The following GLIS2 variants were observed in gnomAD, a reference collection of about 807,000 sequenced individuals.
The protein encoded by GLIS2 is zinc finger protein GLIS2.
A neutral mutation model predicts 35.6 loss-of-function variants in GLIS2; 14 were observed. That is an observed-to-expected ratio of 0.39 (90% CI 0.26 to 0.61). The LOEUF (loss-of-function observed/expected upper bound fraction) is 0.61, where lower values mean the gene tolerates loss of function less well. GLIS2 is among the 20% of genes least tolerant of loss of function. GLIS2 has a pLI of 0.48. For missense variants in GLIS2, 675 were observed against 713.4 expected (o/e 0.95, Z 0.61); for synonymous variants, 368 against 325.1 (o/e 1.13, Z -1.42).
At position 4,334,920 on chromosome 16, in the gene GLIS2, C is replaced by T. The variant is rs1414754769; in HGVS notation, c.465C>T (p.Asp155=). 3 of 1,613,216 alleles carry T rather than the reference C, an allele frequency of 1.9e-6. No homozygotes were observed. The South Asian group carries it at 3.3e-5, about 18-fold the overall frequency. The part of the protein sequence containing the change: ...PASSFLTPPK[D]KCLSPDLPLP... ...CCTCCTTCCTTACCCCTCCCAAGGA[C>T]AAGTGCCTCTCGCCAGACCTGCCCC... The change falls in exon 4 of 7, where the codon GAC becomes GAT. Residue 155 remains aspartate, a synonymous_variant. Coordinates refer to ENST00000433375, the MANE Select transcript of GLIS2 (RefSeq NM_032575.3).
chr16:4,319,664 C>T (rs917324295), intron 1 of GLIS2, among the ~76,000 whole-genome samples: 3 of 151,758 alleles, frequency 2.0e-5, no homozygotes, highest in East Asian at 2.0e-4. Flanking sequence ...GCGGGGACTC[C>T]GCGCTTCCAA....
At position 4,320,048 on chromosome 16, in the gene GLIS2, G is replaced by A. The variant is rs1320113247; in HGVS notation, c.-67+3794G>A. On this transcript the variant is annotated intron_variant, in intron 1 of 6. Coordinates refer to ENST00000433375, the MANE Select transcript of GLIS2 (RefSeq NM_032575.3). The surrounding 1 kb of genome is among the most constrained non-coding windows in gnomAD (Gnocchi z 5.6). Reference sequence around the variant, plus strand: ...CTGAGACTCTTCCAGTTCGATGGCTGGGGGGCGGGTGACTTGGGCTCCTCG... The same window carrying A: ...CTGAGACTCTTCCAGTTCGATGGCTAGGGGGCGGGTGACTTGGGCTCCTCG... 6.6e-6 allele frequency among the ~76,000 whole-genome samples: 1 copy of A among 152,000 alleles called. No homozygotes were observed. Among genetic ancestry groups the A allele is most frequent in the Non-Finnish European group, 1.5e-5 (1 of 67,968 alleles).
chr16:4,334,767 C>T, intron 3 of GLIS2, 34 bp from the exon 4 acceptor site: 2 of 1,612,028 alleles, frequency 1.2e-6, no homozygotes, highest in Non-Finnish European at 1.7e-6. Context: ...TCTGGGCCAG[C>T]AGGACCTTGA....
chr16:4,333,870 T>G (rs1204978488), intron 3 of GLIS2, among the ~76,000 whole-genome samples: 1 of 152,090 alleles, frequency 6.6e-6, no homozygotes, highest in Non-Finnish European at 1.5e-5. Flanking sequence ...CCCAGCACTT[T>G]AGGAGGCTAA....
chr16:4,332,529 A>C lies in GLIS2; in HGVS notation c.172+77A>C. 6.6e-7 allele frequency: 1 copy of C among 1,520,506 alleles called. No individual in the cohort carries two copies. The highest frequency in any genetic ancestry group is 1.2e-5 in the South Asian group (1 of 86,564). The allele number at this position is 1,520,506 out of a possible 1,614,324, so 94.2% of individuals were successfully genotyped here. ...ACAGGGAGAATGGCCAAGTGTGTCC[A>C]CCAGCATGTAGCTGCAGCCCCTCTC... On this transcript the variant is annotated intron_variant, in intron 2 of 6. Coordinates refer to ENST00000433375, the MANE Select transcript of GLIS2 (RefSeq NM_032575.3). This position sits in a 1 kb window ranked among gnomAD's most constrained non-coding sequence, Gnocchi z 5.4.
intron 1 of GLIS2, chr16:4,331,860 G>C: frequency 3.6e-6 from 1 of 276,012 alleles, no homozygotes; most frequent in South Asian, 3.9e-5. Flanking sequence ...GAGGTGGGAG[G>C]ATCGCTTGAG....
intron 1 of GLIS2, among the ~76,000 whole-genome samples, chr16:4,316,464 C>A (rs1156271293): frequency 6.6e-6 from 1 of 151,872 alleles, no homozygotes; most frequent in Non-Finnish European, 1.5e-5. Flanking sequence ...CGGCCGGGTC[C>A]CTCGAGCTCT....
At chr16:4,330,519 C>A (rs1460042094) in intron 1 of GLIS2, among the ~76,000 whole-genome samples, 2 of 152,196 alleles carry the variant, frequency 1.3e-5, no homozygotes, top group Admixed American at 6.5e-5. Context: ...GCTTGCGATG[C>A]CTCTCCTCTA....
intron 1 of GLIS2, among the ~76,000 whole-genome samples, chr16:4,328,562 G>A (rs1175756028): frequency 3.3e-5 from 5 of 152,242 alleles, no homozygotes; most frequent in African/African-American, 9.6e-5. Flanking sequence ...AGGGCTGGGG[G>A]CAGCTCCTTC....
In GLIS2 at chr16:4,332,198, C is replaced by T; in HGVS notation, c.-66-17C>T. 6.6e-7 allele frequency: 1 copy of T among 1,517,180 alleles called. No homozygotes were observed. Among genetic ancestry groups the T allele is most frequent in the Non-Finnish European group, 9.0e-7 (1 of 1,117,018 alleles). The allele number at this position is 1,517,180 out of a possible 1,614,324, so 94.0% of individuals were successfully genotyped here. A position where few individuals can be genotyped will look rare whatever the true frequency, so the allele number is the denominator to read the frequency against. On this transcript the variant is annotated splice_polypyrimidine_tract_variant and intron_variant, in intron 1 of 6. Transcript: ENST00000433375. This position sits in a 1 kb window ranked among gnomAD's most constrained non-coding sequence, Gnocchi z 5.4. ...CTGGGGTCTCAGTGCCACAGCACAGCTCCTGTCCTTCCCCAGGTTCCTGCG... is the reference window on the plus strand; with the variant it reads ...CTGGGGTCTCAGTGCCACAGCACAGTTCCTGTCCTTCCCCAGGTTCCTGCG...
At chr16:4,327,202 G>A (rs1481347204) in intron 1 of GLIS2, among the ~76,000 whole-genome samples, 1 of 152,214 alleles carries the variant, frequency 6.6e-6, no homozygotes, top group East Asian at 1.9e-4. Flanking sequence ...CCTAGAAGGA[G>A]CTTTATTCAG....
At chr16:4,321,450 T>C (rs1463368928) in intron 1 of GLIS2, among the ~76,000 whole-genome samples, 1 of 152,234 alleles carries the variant, frequency 6.6e-6, no homozygotes, top group Admixed American at 6.5e-5. Context: ...AATGAATACA[T>C]GAATGAGACG....
rs758072621 is a variant in GLIS2 at position 4,335,152 on chromosome 16, C to T, written c.615C>T (p.His205=). Residue 205 remains histidine, a synonymous_variant, in exon 5 of 7, where the codon CAC becomes CAT. Transcript: ENST00000433375. The surrounding 1 kb of genome is among the most constrained non-coding windows in gnomAD (Gnocchi z 4.6). ...KPEKDAGYCC[H]WEGCARHGRG... is the part of the protein sequence containing the mutation. Reference sequence around the variant, plus strand: ...AGAAGGATGCGGGGTACTGCTGCCACTGGGAGGGCTGCGCCCGCCATGGCC... The same window carrying T: ...AGAAGGATGCGGGGTACTGCTGCCATTGGGAGGGCTGCGCCCGCCATGGCC... 1.9e-6 allele frequency: 3 copies of T among 1,613,254 alleles called. No individual in the cohort carries two copies. The highest frequency in any genetic ancestry group is 2.2e-5 in the South Asian group (2 of 91,088).
At chr16:4,326,866 T>G (rs1336707301) in intron 1 of GLIS2, among the ~76,000 whole-genome samples, 2 of 151,944 alleles carry the variant, frequency 1.3e-5, no homozygotes, top group Non-Finnish European at 2.9e-5. Flanking sequence ...GTTCAAGCGA[T>G]TCTCCTGCCT....
rs568866303 is a variant in GLIS2 at position 4,337,459 on chromosome 16, T to C, written c.1510T>C (p.Leu504=). 5.1e-6 allele frequency: 8 copies of C among 1,577,716 alleles called. No individual in the cohort carries two copies. The highest frequency in any genetic ancestry group is 6.9e-6 in the Non-Finnish European group (8 of 1,165,066). ...CTCAGCTGCCAGCAGCCCAGAGGCG[T>C]TGGCCCCTGGCTGGGTGGTCATCCC... The part of the protein sequence containing the change: ...VNSAASSPEA[L]APGWVVIPPG... Residue 504 remains leucine, a synonymous_variant, in exon 7 of 7, where the codon TTG becomes CTG. Coordinates refer to ENST00000433375, the MANE Select transcript of GLIS2 (RefSeq NM_032575.3).
chr16:4,332,805 C>T lies in GLIS2; in HGVS notation c.172+353C>T, dbSNP rs958405436. Among the ~76,000 whole-genome samples the T allele has an allele frequency of 3.3e-5, 5 of 152,218 alleles. No homozygotes were observed. Among genetic ancestry groups the T allele is most frequent in the African/African-American group, 1.2e-4 (5 of 41,458 alleles). On this transcript the variant is annotated intron_variant, in intron 2 of 6. Coordinates refer to ENST00000433375, the MANE Select transcript of GLIS2 (RefSeq NM_032575.3). This position sits in a 1 kb window ranked among gnomAD's most constrained non-coding sequence, Gnocchi z 5.4. ...CCAACCTGGGCAGTAGAGGCTGGGT[C>T]TGAGCCCAGGAGGTGCCTCTCAGGG...
Position 4,332,487 on chromosome 16 carries a change from C to A in GLIS2, c.172+35C>A, listed in dbSNP as rs1364895667. 3 of 1,603,262 alleles carry A rather than the reference C, an allele frequency of 1.9e-6. No individual in the cohort carries two copies. The Admixed American group carries it at 5.0e-5, about 27-fold the overall frequency. On this transcript the variant is annotated intron_variant, in intron 2 of 6. Transcript: ENST00000433375. This position sits in a 1 kb window ranked among gnomAD's most constrained non-coding sequence, Gnocchi z 5.4. ...CTGGGCAGGGCAGGGGGACTTAGCCCTGATCCAGTCATGGTGACAGGGAGA... is the reference window on the plus strand; with the variant it reads ...CTGGGCAGGGCAGGGGGACTTAGCCATGATCCAGTCATGGTGACAGGGAGA...
intron 3 of GLIS2, 89 bp from the exon 4 acceptor site, chr16:4,334,712 C>T: frequency 6.7e-7 from 1 of 1,493,132 alleles, no homozygotes; most frequent in South Asian, 1.1e-5. Flanking sequence ...CTGAATGTCT[C>T]TGTTTGGGGA....
At chr16:4,322,122 C>T (rs2053385367) in intron 1 of GLIS2, among the ~76,000 whole-genome samples, 1 of 151,350 alleles carries the variant, frequency 6.6e-6, no homozygotes, top group Non-Finnish European at 1.5e-5. Flanking sequence ...GGAGCTGGCA[C>T]CTGGGAGCAT....
Sources: gnomAD v4.1 joint callset for allele counts (sites outside exome capture counted in the v4.1 genomes callset) on GRCh38, gnomAD v4.1.1 for gene constraint, Gnocchi (gnomAD v3.1) non-coding constraint, MANE v1.5 for transcripts, NCBI Gene and HGNC (gene_info 2026-07-23, HGNC 2026-07-21) for gene names.